PPP1R12A: variants seen among roughly 807,000 people sequenced by gnomAD.
PPP1R12A encodes the protein myosin binding subunit.
In PPP1R12A, 19 loss-of-function variants were observed where a neutral mutation model predicts 139.6. The observed-to-expected ratio is 0.14, with a 90% confidence interval of 0.09 to 0.20. PPP1R12A has a LOEUF of 0.20. PPP1R12A is among the 10% of genes least tolerant of loss of function. PPP1R12A has a pLI of 1.00. For synonymous variants in PPP1R12A, 427 were observed against 420.6 expected, an observed-to-expected ratio of 1.02 and a Z score of -0.19; for missense variants, 925 against 1,211.5, an observed-to-expected ratio of 0.76 and a Z score of 3.51.
chr12:79,916,051 A>ATCTACT (rs761312629), intron 1 of PPP1R12A, among the ~76,000 whole-genome samples: 49 of 152,198 alleles, frequency 3.2e-4, no homozygotes, highest in Non-Finnish European at 3.2e-4. Flanking sequence ...TCAAATTGAC[A>ATCTACT]TCTAGTGTTC....
Position 79,820,876 on chromosome 12 carries a change from C to G in PPP1R12A, c.1012G>C (p.Glu338Gln). 1 of 1,613,556 alleles carries G rather than the reference C, an allele frequency of 6.2e-7. No individual in the cohort carries two copies. ...TCTTCTTCATCAACCTTTTCTTGTT[C>G]CAGAGATTCAATACGGGATGCATTT... ...EKNASRIESL[E>Q]QEKVDEEEEG... is the part of the protein sequence containing the mutation. The change falls in exon 8 of 25, where the codon GAA becomes CAA. Residue 338 changes from glutamate (E) to glutamine (Q), a missense_variant. This residue lies in a region of PPP1R12A where 403 missense variants were observed against 463.7 expected (regional missense o/e 0.87). Coordinates refer to ENST00000450142, the MANE Select transcript of PPP1R12A (RefSeq NM_002480.3).
chr12:79,796,500 T>C (rs886991567), intron 17 of PPP1R12A, among the ~76,000 whole-genome samples: 7 of 152,178 alleles, frequency 4.6e-5, no homozygotes, highest in African/African-American at 1.7e-4. Flanking sequence ...AAACTGCTTC[T>C]AGAAATAGTC....
chr12:79,814,789 T>C (rs1428676700), intron 9 of PPP1R12A, among the ~76,000 whole-genome samples: 2 of 105,678 alleles, frequency 1.9e-5, no homozygotes, highest in Middle Eastern at 0.011. Flanking sequence ...CACCCCAGCC[T>C]GGGTGACAAG....
At chr12:79,861,876 G>C (rs890808735) in intron 2 of PPP1R12A, among the ~76,000 whole-genome samples, 5 of 152,132 alleles carry the variant, frequency 3.3e-5, no homozygotes, top group African/African-American at 2.4e-5. Flanking sequence ...ATCCACTCTG[G>C]GGGCAGGGCA....
chr12:79,885,796 A>G (rs555493305), intron 1 of PPP1R12A, among the ~76,000 whole-genome samples: 1 of 152,340 alleles, frequency 6.6e-6, no homozygotes, highest in South Asian at 2.1e-4. Flanking sequence ...TAGGCAAATT[A>G]GTTTGAATTA....
chr12:79,840,106 C>CT (rs1300894029), intron 3 of PPP1R12A, among the ~76,000 whole-genome samples: 1 of 152,144 alleles, frequency 6.6e-6, no homozygotes, highest in Non-Finnish European at 1.5e-5. Flanking sequence ...CTCAAGATAT[C>CT]TGTCTTACTG....
intron 1 of PPP1R12A, among the ~76,000 whole-genome samples, chr12:79,897,782 C>T (rs1237955186): frequency 1.3e-5 from 2 of 152,168 alleles, no homozygotes; most frequent in African/African-American, 4.8e-5. Flanking sequence ...TGACCCTTGA[C>T]TCATTCCAAC....
intron 1 of PPP1R12A, among the ~76,000 whole-genome samples, chr12:79,932,447 T>C (rs757453538): frequency 5.3e-5 from 8 of 152,224 alleles, no homozygotes; most frequent in African/African-American, 9.6e-5. Flanking sequence ...TAATGCTTGA[T>C]ATTTTAAAGA....
intron 2 of PPP1R12A, among the ~76,000 whole-genome samples, chr12:79,846,763 G>A (rs1458636169): frequency 3.9e-5 from 6 of 151,988 alleles, no homozygotes; most frequent in Non-Finnish European, 7.4e-5. Flanking sequence ...AAAATTTTTC[G>A]ATGGCTCTAC....
intron 23 of PPP1R12A, chr12:79,780,563 T>G (rs1870314765): frequency 6.6e-6 from 1 of 152,168 alleles, no homozygotes; most frequent in African/African-American, 2.4e-5. Flanking sequence ...CATATTACTT[T>G]CATAAGAAAA....
In PPP1R12A at chr12:79,809,726, C is replaced by A. The variant is rs1052599076; in HGVS notation, c.1455+69G>T. The A allele has an allele frequency of 4.0e-6, 5 of 1,245,168 alleles. No individual in the cohort carries two copies. The African/African-American group carries it at 6.1e-5, about 15-fold the overall frequency. 77.1% of individuals were successfully genotyped at this position (1,245,168 alleles called of 1,614,324 possible). ...CTAAAGATAACTAGCAGAAAATCTA[C>A]CAGATTTGATGTTCCTGGAAAAGAA... On this transcript the variant is annotated intron_variant, in intron 10 of 24. Coordinates refer to ENST00000450142, the MANE Select transcript of PPP1R12A (RefSeq NM_002480.3).
intron 1 of PPP1R12A, among the ~76,000 whole-genome samples, chr12:79,890,895 C>CACACA (rs1884539004): frequency 2.9e-5 from 3 of 104,532 alleles, no homozygotes; most frequent in Admixed American, 1.2e-4. Context: ...CACCACCCAC[C>CACACA]CACACCCACC....
At chr12:79,781,992 C>G (rs1870508729) in intron 22 of PPP1R12A, 130 bp from the exon 23 acceptor site, 2 of 465,426 alleles carry the variant, frequency 4.3e-6, no homozygotes. Flanking sequence ...GTGAGTAAAG[C>G]AAAGAGAAAA....
chr12:79,873,692 A>G (rs1032557352), intron 1 of PPP1R12A, among the ~76,000 whole-genome samples: 2 of 151,942 alleles, frequency 1.3e-5, no homozygotes, highest in African/African-American at 4.8e-5. Flanking sequence ...GGGGGCAGCA[A>G]TTTTCACTCA....
chr12:79,832,754 T>A (rs1262786287), intron 3 of PPP1R12A, among the ~76,000 whole-genome samples: 1 of 150,550 alleles, frequency 6.6e-6, no homozygotes, highest in African/African-American at 2.5e-5. Flanking sequence ...ATTCTTCTTG[T>A]TTTTTAAAAA....
chr12:79,883,819 T>C (rs1592766551), intron 1 of PPP1R12A, among the ~76,000 whole-genome samples: 1 of 152,108 alleles, frequency 6.6e-6, no homozygotes, highest in East Asian at 1.9e-4. Context: ...AAACAGACAT[T>C]TGTGATACCT....
chr12:79,821,715 T>C (rs1222339391), intron 6 of PPP1R12A, among the ~76,000 whole-genome samples: 1 of 150,728 alleles, frequency 6.6e-6, no homozygotes. Flanking sequence ...ATCGCGCCAC[T>C]GTACTCTAGC....
intron 1 of PPP1R12A, among the ~76,000 whole-genome samples, chr12:79,890,664 C>T (rs980136518): frequency 2.0e-5 from 3 of 151,998 alleles, no homozygotes; most frequent in African/African-American, 7.2e-5. Context: ...TGGTTAGTTA[C>T]GGACAATCAA....
At chr12:79,787,480 G>C (rs929651118) in intron 21 of PPP1R12A, 3 of 151,944 alleles carry the variant, frequency 2.0e-5, no homozygotes, top group African/African-American at 7.3e-5. Flanking sequence ...TTCCGTTTTT[G>C]GCTGAAACCA....
Sources: gnomAD v4.1 joint callset for allele counts (sites outside exome capture counted in the v4.1 genomes callset) on GRCh38, gnomAD v4.1.1 for gene constraint, gnomAD v4.1.1 regional missense constraint, MANE v1.5 for transcripts, NCBI Gene and HGNC (gene_info 2026-07-23, HGNC 2026-07-21) for gene names.